Variants in ADCK5 observed in about 807,000 individuals in gnomAD.
ADCK5 encodes the protein aarF domain containing kinase 5, also known as uncharacterized aarF domain-containing protein kinase 5.
Under a neutral mutation model 64.9 loss-of-function variants are expected in ADCK5, and 43 were observed. The ratio of observed to expected loss-of-function variants is 0.66; its 90% confidence interval spans 0.52 to 0.85. The LOEUF (loss-of-function observed/expected upper bound fraction) is 0.85, where lower values mean the gene tolerates loss of function less well. Ranked by LOEUF, ADCK5 falls within the 40% of genes least tolerant of loss-of-function variation. The probability of loss-of-function intolerance (pLI) is 0.00; values close to 1 mark genes in which losing one functional copy is unlikely to be tolerated. For synonymous variants in ADCK5, 434 were observed against 342.8 expected (o/e 1.27, Z -2.94); for missense variants, 760 against 810.5 (o/e 0.94, Z 0.76).
In ADCK5 at chr8:144,381,567, G is replaced by A. The variant is rs1406385233; in HGVS notation, c.117-1514G>A. The stretch of plus-strand genomic sequence containing the variant: ...ACAGATGTGTGCTCAGGCACCTGCC[G>A]CACTCAGGATTATGGGCCGGGTGCA... On this transcript the variant is annotated intron_variant, in intron 2 of 14. Transcript: ENST00000308860. 8.1e-5 allele frequency among the ~76,000 whole-genome samples: 12 copies of A among 147,970 alleles called. No individual in the cohort carries two copies. In the South Asian group the frequency reaches 1.5e-3, roughly 18 times the overall value.
Position 144,391,627 on chromosome 8 carries a change from C to T in ADCK5, c.846C>T (p.Gly282=), listed in dbSNP as rs1820233993. Residue 282 remains glycine, a synonymous_variant, in exon 8 of 15, where the codon GGC becomes GGT. Transcript: ENST00000308860. ...LAQELDFENE[G]RNAERCAREL... ...AGGAGCTGGACTTCGAGAATGAGGG[C>T]CGCAACGCAGAGCGCTGTGCGCGGG... 6.4e-7 allele frequency: 1 copy of T among 1,563,408 alleles called. No individual in the cohort carries two copies. The highest frequency in any genetic ancestry group is 8.6e-7 in the Non-Finnish European group (1 of 1,159,078).
intron 2 of ADCK5, 25 bp from the exon 3 acceptor site, chr8:144,383,053 GCCT>G (rs1564670615): frequency 1.3e-6 from 2 of 1,575,296 alleles, no homozygotes; most frequent in Non-Finnish European, 1.7e-6. Context: ...GGGGGGCGGC[GCCT>G]CCAGGCTGCA....
At chr8:144,380,880 G>T (rs2130695987) in intron 2 of ADCK5, among the ~76,000 whole-genome samples, 1 of 126,330 alleles carries the variant, frequency 7.9e-6, no homozygotes. Flanking sequence ...AAGGATTATG[G>T]GCTGGGTGTA....
chr8:144,393,134 G>A lies in ADCK5; in HGVS notation c.*60G>A, dbSNP rs1586603836. 4 of 1,456,316 alleles carry A rather than the reference G, an allele frequency of 2.7e-6. No individual in the cohort carries two copies. In the African/African-American group the frequency reaches 5.7e-5, roughly 21 times the overall value. 90.2% of individuals were successfully genotyped at this position (1,456,316 alleles called of 1,614,324 possible). On this transcript the variant is annotated 3_prime_UTR_variant, in exon 15 of 15. Coordinates refer to ENST00000308860, the MANE Select transcript of ADCK5 (RefSeq NM_174922.5). ...ACCTTGGGCTGACGGAGGTGGCGGG[G>A]CTAGAGGTGTAGACACCCCGAGCCC...
Position 144,392,472 on chromosome 8 carries a change from T to C in ADCK5, c.1295T>C (p.Met432Thr). ...QDYLLFAEML[M>T]QRPVRLGQLW... Reference sequence around the variant, plus strand: ...TACCTCCTGTTCGCCGAGATGCTCATGCAGCGCCCCGTGCGCCTGGGGCAG... The same window carrying C: ...TACCTCCTGTTCGCCGAGATGCTCACGCAGCGCCCCGTGCGCCTGGGGCAG... The change falls in exon 13 of 15, where the codon ATG becomes ACG. Residue 432 changes from methionine (M) to threonine (T), a missense_variant. Transcript: ENST00000308860. 4 of 1,265,832 alleles carry C rather than the reference T, an allele frequency of 3.2e-6. No individual in the cohort carries two copies. Among genetic ancestry groups the C allele is most frequent in the Non-Finnish European group, 4.1e-6 (4 of 978,146 alleles). The allele number at this position is 1,265,832 out of a possible 1,614,324, so 78.4% of individuals were successfully genotyped here.
intron 3 of ADCK5, among the ~76,000 whole-genome samples, chr8:144,388,322 A>T (rs1820017973): frequency 6.8e-6 from 1 of 147,040 alleles, no homozygotes; most frequent in South Asian, 2.2e-4. Context: ...GTGCCACTGC[A>T]CTCCAGTCTG....
At chr8:144,375,569 C>A in intron 1 of ADCK5, 1 of 985,446 alleles carries the variant, frequency 1.0e-6, no homozygotes, top group Non-Finnish European at 1.2e-6. Flanking sequence ...GAAAACCAGA[C>A]ACGATCGGAC....
At chr8:144,382,940 C>A in intron 2 of ADCK5, 141 bp from the exon 3 acceptor site, 1 of 1,194,346 alleles carries the variant, frequency 8.4e-7, no homozygotes, top group Non-Finnish European at 1.2e-6. Context: ...GACGCTGATG[C>A]GGTGGTGTTC....
chr8:144,379,615 GAT>G (rs1452636547), intron 2 of ADCK5, 125 bp downstream of exon 2: 25 of 797,474 alleles, frequency 3.1e-5, no homozygotes, highest in South Asian at 6.4e-5. Flanking sequence ...ACCAAGGCAG[GAT>G]ATGTTTGCTC....
rs569562504 is a variant in ADCK5, at chr8:144,378,472, C to T, written c.13-915C>T. Among the ~76,000 whole-genome samples the T allele has an allele frequency of 9.5e-4, 144 of 152,098 alleles. 1 individual carries two copies. The highest frequency in any genetic ancestry group is 1.8e-3 in the Non-Finnish European group (124 of 67,992). ...TCGCTTGCTCTCTCTCTCTCTCCGC[C>T]CCCCCCACTGCTTCACCCATACTGT... is the stretch of plus-strand genomic sequence containing the variant. On this transcript the variant is annotated intron_variant, in intron 1 of 14. Transcript: ENST00000308860.
chr8:144,386,581 C>T (rs1586588061), intron 3 of ADCK5, among the ~76,000 whole-genome samples: 1 of 152,176 alleles, frequency 6.6e-6, no homozygotes, highest in East Asian at 1.9e-4. Context: ...TGGTCTTGAA[C>T]TGCTGACCTC....
At position 144,390,747 on chromosome 8, in the gene ADCK5, G is replaced by A; in HGVS notation, c.342+1G>A. ...TGTTGTCCTTCGAGGGGTGGAAGAG[G>A]TTTGTCCTGGTGCCCTGGGCACACA... On this transcript the variant is annotated splice_donor_variant, in intron 4 of 14. Coordinates refer to ENST00000308860, the MANE Select transcript of ADCK5 (RefSeq NM_174922.5). LOFTEE classifies it high-confidence loss of function. The A allele has an allele frequency of 6.2e-7, 1 of 1,613,672 alleles. No individual in the cohort carries two copies. The highest frequency in any genetic ancestry group is 8.5e-7 in the Non-Finnish European group (1 of 1,179,844).
chr8:144,392,891 A>G lies in ADCK5; in HGVS notation c.1636A>G (p.Arg546Gly). 1 of 1,601,484 alleles carries G rather than the reference A, an allele frequency of 6.2e-7. No individual in the cohort carries two copies. Among genetic ancestry groups the G allele is most frequent in the Non-Finnish European group, 8.5e-7 (1 of 1,176,678 alleles). ...WEMLKFEVAL[R>G]LETLAMRLTA... ...GATGCTCAAGTTTGAAGTGGCGCTC[A>G]GGTGAGTGGCCGCGGGGCAGGTGGG... The change falls in exon 14 of 15, where the codon AGG becomes GGG. Residue 546 changes from arginine (R) to glycine (G), a missense_variant and splice_region_variant. Coordinates refer to ENST00000308860, the MANE Select transcript of ADCK5 (RefSeq NM_174922.5).
chr8:144,373,970 G>C, upstream of ADCK5: 1 of 1,112,292 alleles, frequency 9.0e-7, no homozygotes, highest in Non-Finnish European at 1.1e-6. Context: ...CTCCAGCCTC[G>C]CCCACCGCCC....
At chr8:144,382,783 G>A (rs1271106335) in intron 2 of ADCK5, among the ~76,000 whole-genome samples, 1 of 152,250 alleles carries the variant, frequency 6.6e-6, no homozygotes, top group Non-Finnish European at 1.5e-5. Flanking sequence ...CTGCCATTGA[G>A]CTGCTTCCTT....
intron 2 of ADCK5, 54 bp from the exon 3 acceptor site, chr8:144,383,027 G>C: frequency 6.4e-7 from 1 of 1,558,624 alleles, no homozygotes; most frequent in Non-Finnish European, 8.7e-7. Flanking sequence ...GCAGAGATCA[G>C]AGCCCAGCTG....
chr8:144,387,734 C>CT (rs112315554), intron 3 of ADCK5, among the ~76,000 whole-genome samples: 225 of 142,140 alleles, frequency 1.6e-3, no homozygotes, highest in African/African-American at 3.8e-3. Flanking sequence ...CTCATTGATA[C>CT]TTTTTTTTTT....
intron 3 of ADCK5, chr8:144,389,478 C>T: frequency 2.6e-6 from 1 of 391,064 alleles, no homozygotes; most frequent in Non-Finnish European, 5.3e-6. Context: ...CTCACCTGGG[C>T]ACCCTTGAGG....
intron 2 of ADCK5, among the ~76,000 whole-genome samples, chr8:144,381,512 T>C (rs879969871): frequency 3.0e-4 from 33 of 110,820 alleles, no homozygotes; most frequent in South Asian, 2.0e-3. Context: ...AGGCCCCTGC[T>C]GCACTCAGGA....
Sources: gnomAD v4.1 joint callset for allele counts (sites outside exome capture counted in the v4.1 genomes callset) on GRCh38, gnomAD v4.1.1 for gene constraint, MANE v1.5 for transcripts, NCBI Gene and HGNC (gene_info 2026-07-23, HGNC 2026-07-21) for gene names.